DNAH7: variants seen among roughly 807,000 people sequenced by gnomAD.
The protein encoded by DNAH7 is dynein axonemal heavy chain 7.
In DNAH7, 397 loss-of-function variants were observed where a neutral mutation model predicts 444.6. That is an observed-to-expected ratio of 0.89 (90% confidence interval 0.82 to 0.97). DNAH7 has a LOEUF of 0.97. Among genes scored for constraint, DNAH7 ranks in the 50% least tolerant of loss-of-function variants. The probability of loss-of-function intolerance (pLI) is 0.00; values close to 1 mark genes in which losing one functional copy is unlikely to be tolerated. For synonymous variants in DNAH7, 1,636 were observed against 1,624.4 expected, an observed-to-expected ratio of 1.01 and a Z score of -0.17; for missense variants, 4,902 against 4,800.8, an observed-to-expected ratio of 1.02 and a Z score of -0.62.
chr2:195,873,581 G>T lies in DNAH7; in HGVS notation c.6400C>A (p.His2134Asn). The change falls in exon 39 of 65, where the codon CAT becomes AAT. Residue 2134 changes from histidine to asparagine, a missense_variant. Transcript: ENST00000312428. ...TTGATTACTTACCAGATTTCTAAATGCCAAGTTAAGATTCTAGAGAAGATT... is the reference window on the plus strand; with the variant it reads ...TTGATTACTTACCAGATTTCTAAATTCCAAGTTAAGATTCTAGAGAAGATT... ...YTIFSRILTWHLEICYKFPDE... is the reference protein window; with the variant it reads ...YTIFSRILTWNLEICYKFPDE... 7.3e-7 allele frequency: 1 copy of T among 1,370,484 alleles called. No individual in the cohort carries two copies. The highest frequency in any genetic ancestry group is 9.6e-7 in the Non-Finnish European group (1 of 1,040,084). The allele number at this position is 1,370,484 out of a possible 1,614,324, so 84.9% of individuals were successfully genotyped here. A position where few individuals can be genotyped will look rare whatever the true frequency, so the allele number is the denominator to read the frequency against.
chr2:196,031,895 C>T (rs1696080424), intron 5 of DNAH7, among the ~76,000 whole-genome samples: 1 of 152,220 alleles, frequency 6.6e-6, no homozygotes, highest in Non-Finnish European at 1.5e-5. Flanking sequence ...ACTGTTCCAA[C>T]CTCTGCCTTT....
chr2:195,810,172 T>C (rs181084790), intron 51 of DNAH7, among the ~76,000 whole-genome samples: 169 of 152,274 alleles, frequency 1.1e-3, no homozygotes, highest in African/African-American at 3.9e-3. Flanking sequence ...ACTGTTTTTA[T>C]CTACAAAGCA....
At chr2:195,795,274 C>T (rs937524469) in intron 56 of DNAH7, among the ~76,000 whole-genome samples, 1 of 152,088 alleles carries the variant, frequency 6.6e-6, no homozygotes, top group African/African-American at 2.4e-5. Flanking sequence ...CCTAGCTACT[C>T]GGGAGGCGGA....
chr2:195,943,334 T>A (rs970874019), intron 19 of DNAH7, among the ~76,000 whole-genome samples: 1 of 152,160 alleles, frequency 6.6e-6, no homozygotes, highest in Non-Finnish European at 1.5e-5. Flanking sequence ...CTATTACCGA[T>A]GTCAGTCAAC....
chr2:196,067,503 C>A (rs1366726427), intron 1 of DNAH7, among the ~76,000 whole-genome samples: 1 of 152,024 alleles, frequency 6.6e-6, no homozygotes, highest in Non-Finnish European at 1.5e-5. Flanking sequence ...ATTATTAATA[C>A]CAATACTAAT....
In DNAH7 at chr2:196,020,755, T is replaced by G. The variant is rs1318673522; in HGVS notation, c.744-1460A>C. ...CCTCTTGAGTAGCTGGGATTACAAG[T>G]GCACGCCACCATGCCCAGCTAACTT... is the stretch of plus-strand genomic sequence containing the variant. On this transcript the variant is annotated intron_variant, in intron 8 of 64. Transcript: ENST00000312428. Among the ~76,000 whole-genome samples, 6 of 152,084 alleles carry G rather than the reference T, an allele frequency of 3.9e-5. No homozygotes were observed. In the East Asian group the frequency reaches 5.8e-4, roughly 15 times the overall value.
chr2:195,959,570 C>T (rs936978013), intron 18 of DNAH7, among the ~76,000 whole-genome samples: 2 of 152,210 alleles, frequency 1.3e-5, no homozygotes, highest in African/African-American at 4.8e-5. Flanking sequence ...TCACCAGAGG[C>T]AGATACTACC....
intron 28 of DNAH7, among the ~76,000 whole-genome samples, chr2:195,898,314 T>G (rs956620849): frequency 6.6e-6 from 1 of 152,202 alleles, no homozygotes; most frequent in African/African-American, 2.4e-5. Flanking sequence ...TTTTGTTTTT[T>G]AAAGAGGCCA....
chr2:196,017,261 C>T (rs1419692169), intron 9 of DNAH7, among the ~76,000 whole-genome samples: 3 of 152,170 alleles, frequency 2.0e-5, no homozygotes, highest in Non-Finnish European at 4.4e-5. Flanking sequence ...GATCCACCCA[C>T]CTCGGCTTCC....
chr2:195,886,082 G>A, intron 34 of DNAH7, 59 bp downstream of exon 34: 1 of 1,522,670 alleles, frequency 6.6e-7, no homozygotes, highest in Non-Finnish European at 8.8e-7. Flanking sequence ...AGGAAGCTTT[G>A]GGGAAAGCAG....
intron 63 of DNAH7, among the ~76,000 whole-genome samples, chr2:195,749,542 T>C (rs901161791): frequency 2.6e-5 from 4 of 152,218 alleles, no homozygotes; most frequent in East Asian, 3.9e-4. Context: ...CATATGTTTA[T>C]TGCAGCACTA....
intron 52 of DNAH7, 63 bp from the exon 53 acceptor site, chr2:195,808,939 A>C (rs868164886): frequency 7.1e-7 from 1 of 1,416,858 alleles, no homozygotes; most frequent in Middle Eastern, 1.8e-4. Flanking sequence ...GTAAGCTTAC[A>C]ACCATTATAA....
intron 63 of DNAH7, chr2:195,741,144 G>C (rs1353878915): frequency 5.5e-6 from 1 of 181,742 alleles, no homozygotes; most frequent in African/African-American, 2.3e-5. Context: ...CTCAGTGTGT[G>C]TGTGTGAACA....
At chr2:196,027,759 T>C (rs1257391555) in intron 6 of DNAH7, among the ~76,000 whole-genome samples, 2 of 152,100 alleles carry the variant, frequency 1.3e-5, no homozygotes, top group Non-Finnish European at 2.9e-5. Flanking sequence ...TTGAAATTTT[T>C]TTAAATTGTG....
At chr2:195,810,165 G>GT in intron 51 of DNAH7, among the ~76,000 whole-genome samples, 1 of 151,962 alleles carries the variant, frequency 6.6e-6, no homozygotes, top group South Asian at 2.1e-4. Flanking sequence ...TTTACAGACT[G>GT]TTTTTATCTA....
chr2:195,785,960 A>C (rs1057088463), intron 58 of DNAH7, among the ~76,000 whole-genome samples: 1 of 152,226 alleles, frequency 6.6e-6, no homozygotes, highest in Non-Finnish European at 1.5e-5. Flanking sequence ...TACTACAAGA[A>C]CAAAGCTCAT....
At chr2:195,836,701 G>T (rs1385772439) in intron 47 of DNAH7, among the ~76,000 whole-genome samples, 1 of 152,044 alleles carries the variant, frequency 6.6e-6, no homozygotes, top group Non-Finnish European at 1.5e-5. Context: ...AAATTAGAAA[G>T]AAATAAAAAT....
At chr2:195,740,605 GTGTGTGTGTGTATATATATA>G (rs1224346360) in intron 64 of DNAH7, among the ~76,000 whole-genome samples, 141 bp downstream of exon 64, 9 of 54,852 alleles carry the variant, frequency 1.6e-4, no homozygotes, top group African/African-American at 7.8e-4. Context: ...GTGTGTGTGT[GTGTGTGTGTGTATATATATA>G]TATATATATA....
intron 19 of DNAH7, among the ~76,000 whole-genome samples, chr2:195,949,620 C>T (rs1166428885): frequency 6.6e-6 from 1 of 152,098 alleles, no homozygotes; most frequent in Admixed American, 6.5e-5. Context: ...ATTGCCCTGG[C>T]CAGAACTTCC....
Sources: allele counts gnomAD v4.1 joint callset (sites outside exome capture counted in the v4.1 genomes callset), GRCh38; gene constraint gnomAD v4.1.1; transcripts MANE v1.5; gene names NCBI Gene and HGNC (gene_info 2026-07-23, HGNC 2026-07-21).